ATXN1: variants seen among roughly 807,000 people sequenced by gnomAD.
ATXN1 encodes the protein ataxin-1.
In ATXN1, 8 loss-of-function variants were observed where a neutral mutation model predicts 56.4. That is an observed-to-expected ratio of 0.14 (90% CI 0.08 to 0.26). The LOEUF (loss-of-function observed/expected upper bound fraction) is 0.26. Ranked by LOEUF, ATXN1 falls within the 10% of genes least tolerant of loss-of-function variation. The pLI is 1.00. For synonymous variants in ATXN1, 514 were observed against 494.6 expected, an observed-to-expected ratio of 1.04 and a Z score of -0.52; for missense variants, 987 against 1,106.5, an observed-to-expected ratio of 0.89 and a Z score of 1.53.
rs77271510 is a variant in ATXN1, at chr6:16,517,989, T to C, written c.-299+4638A>G. On this transcript the variant is annotated intron_variant, in intron 5 of 7. Transcript: ENST00000436367. ...ATTGATCAAATGCCTCCTATGTGCTTGGCACAGTTTTAAATACTGGGATAC... is the reference window on the plus strand; with the variant it reads ...ATTGATCAAATGCCTCCTATGTGCTCGGCACAGTTTTAAATACTGGGATAC... Among the ~76,000 whole-genome samples the C allele has an allele frequency of 4.2e-3, 639 of 152,372 alleles. 25 individuals are homozygous for C. In the East Asian group the frequency reaches 0.065, roughly 16 times the overall value.
intron 6 of ATXN1, among the ~76,000 whole-genome samples, chr6:16,334,234 C>T (rs1761061683): frequency 6.6e-6 from 1 of 152,098 alleles, no homozygotes; most frequent in East Asian, 1.9e-4. Context: ...TGGTACCAAA[C>T]CAGGAAAATT....
intron 2 of ATXN1, among the ~76,000 whole-genome samples, chr6:16,686,590 C>G (rs2113409903): frequency 6.6e-6 from 1 of 152,276 alleles, no homozygotes; most frequent in East Asian, 1.9e-4. Flanking sequence ...ACCACTCGAG[C>G]TACTCAGTAT....
intron 6 of ATXN1, among the ~76,000 whole-genome samples, chr6:16,429,457 CT>C (rs1404162853): frequency 2.1e-5 from 3 of 142,600 alleles, no homozygotes; most frequent in Non-Finnish European, 4.5e-5. Context: ...AAAGAGTCTC[CT>C]CCAGGCTGGA....
At chr6:16,339,623 T>A (rs1448471382) in intron 6 of ATXN1, among the ~76,000 whole-genome samples, 1 of 152,176 alleles carries the variant, frequency 6.6e-6, no homozygotes, top group South Asian at 2.1e-4. Flanking sequence ...TAGCATATGA[T>A]CACCCCATTT....
rs577424964 is a variant in ATXN1 at position 16,616,661 on chromosome 6, T to G, written c.-488-30754A>C. Among the ~76,000 whole-genome samples, 439 of 142,830 alleles carry G rather than the reference T, an allele frequency of 3.1e-3. 8 individuals are homozygous for G. The highest frequency in any genetic ancestry group is 0.027 in the Admixed American group (382 of 14,070). The allele number at this position is 142,830 out of a possible 152,430, so 93.7% of individuals were successfully genotyped here. The stretch of plus-strand genomic sequence containing the variant: ...ATATTATATAATGTATAATATAAAA[T>G]TATATATATTATATATTAATAATTA... On this transcript the variant is annotated intron_variant, in intron 3 of 7. Transcript: ENST00000436367.
At chr6:16,632,538 C>T (rs1047366347) in intron 3 of ATXN1, among the ~76,000 whole-genome samples, 1 of 152,160 alleles carries the variant, frequency 6.6e-6, no homozygotes, top group African/African-American at 2.4e-5. Flanking sequence ...GCCATGCCAC[C>T]AGCACAGCAG....
At chr6:16,629,370 CA>C (rs1230930555) in intron 3 of ATXN1, among the ~76,000 whole-genome samples, 9 of 152,162 alleles carry the variant, frequency 5.9e-5, no homozygotes, top group Admixed American at 2.0e-4. Flanking sequence ...CTCTGTCACC[CA>C]GGCTGGAGCA....
chr6:16,384,683 C>T (rs1481785460), intron 6 of ATXN1, among the ~76,000 whole-genome samples: 1 of 152,160 alleles, frequency 6.6e-6, no homozygotes, highest in African/African-American at 2.4e-5. Context: ...CTCATGAGAT[C>T]TGGTTGTTTA....
At chr6:16,619,519 G>C (rs922762361) in intron 3 of ATXN1, among the ~76,000 whole-genome samples, 1 of 151,976 alleles carries the variant, frequency 6.6e-6, no homozygotes, top group Non-Finnish European at 1.5e-5. Context: ...ACAGACCCCT[G>C]GTAAATATCA....
At chr6:16,584,654 C>T (rs1391048171) in intron 4 of ATXN1, among the ~76,000 whole-genome samples, 1 of 148,430 alleles carries the variant, frequency 6.7e-6, no homozygotes, top group Non-Finnish European at 1.5e-5. Flanking sequence ...CCCCAAAACC[C>T]AAAATACATG....
rs182617376 is a variant in ATXN1 at position 16,423,052 on chromosome 6, T to C, written c.-161+62920A>G. On this transcript the variant is annotated intron_variant, in intron 6 of 7. Coordinates refer to ENST00000436367, the MANE Select transcript of ATXN1 (RefSeq NM_001128164.2). ...TTTCATAAAGGGACAGTCAGTGGAA[T>C]AGAGCACCAGGGGTAGGGGGAGTCT... Among the ~76,000 whole-genome samples, 837 of 152,332 alleles carry C rather than the reference T, an allele frequency of 5.5e-3. 6 individuals carry two copies. The highest frequency in any genetic ancestry group is 0.027 in the Middle Eastern group (8 of 294).
At chr6:16,455,857 C>A (rs1759856538) in intron 6 of ATXN1, among the ~76,000 whole-genome samples, 1 of 152,136 alleles carries the variant, frequency 6.6e-6, no homozygotes, top group Non-Finnish European at 1.5e-5. Flanking sequence ...GTAAAGCGCA[C>A]CAATCAGCAC....
At chr6:16,337,937 T>C (rs1761159460) in intron 6 of ATXN1, among the ~76,000 whole-genome samples, 1 of 152,238 alleles carries the variant, frequency 6.6e-6, no homozygotes, top group Non-Finnish European at 1.5e-5. Flanking sequence ...TCACTTTGAC[T>C]CTCACTTGAA....
At chr6:16,653,810 T>C (rs1180734629) in intron 3 of ATXN1, among the ~76,000 whole-genome samples, 3 of 152,210 alleles carry the variant, frequency 2.0e-5, no homozygotes, top group Non-Finnish European at 4.4e-5. Context: ...GAAGAGGGAA[T>C]GCAACCCTCA....
At chr6:16,656,764 T>C (rs1758211530) in intron 3 of ATXN1, among the ~76,000 whole-genome samples, 2 of 152,136 alleles carry the variant, frequency 1.3e-5, no homozygotes, top group Admixed American at 1.3e-4. Flanking sequence ...GGTGACTTTG[T>C]CACTGTGCAA....
intron 4 of ATXN1, among the ~76,000 whole-genome samples, chr6:16,540,029 A>G (rs754941560): frequency 2.8e-4 from 43 of 152,168 alleles, no homozygotes; most frequent in Admixed American, 2.6e-3. Flanking sequence ...TCTTTTCTTG[A>G]CATGATGTTT....
intron 5 of ATXN1, among the ~76,000 whole-genome samples, chr6:16,505,241 A>T (rs975926014): frequency 1.3e-5 from 2 of 152,148 alleles, no homozygotes; most frequent in African/African-American, 4.8e-5. Context: ...CCGGCAGCCC[A>T]AATCTCAACC....
At chr6:16,611,291 C>T (rs886375127) in intron 3 of ATXN1, among the ~76,000 whole-genome samples, 1 of 151,952 alleles carries the variant, frequency 6.6e-6, no homozygotes, top group Admixed American at 6.6e-5. Flanking sequence ...TTTGCTCATA[C>T]AGAAATATAG....
At chr6:16,406,355 C>A (rs1245565719) in intron 6 of ATXN1, among the ~76,000 whole-genome samples, 1 of 152,038 alleles carries the variant, frequency 6.6e-6, no homozygotes, top group Non-Finnish European at 1.5e-5. Flanking sequence ...CACAGCCAAC[C>A]AATAATTGAG....
Sources: allele counts gnomAD v4.1 joint callset (sites outside exome capture counted in the v4.1 genomes callset), GRCh38; gene constraint gnomAD v4.1.1; transcripts MANE v1.5; gene names NCBI Gene and HGNC (gene_info 2026-07-23, HGNC 2026-07-21).